The following PPP4R3A variants were observed in gnomAD, a reference collection of about 807,000 sequenced individuals.
PPP4R3A encodes the protein protein phosphatase 4 regulatory subunit 3A, also known as serine/threonine-protein phosphatase 4 regulatory subunit 3A.
PPP4R3A carries 15 observed loss-of-function variants against 91.7 expected under a neutral mutation model. The observed-to-expected ratio is 0.16, with a 90% CI of 0.11 to 0.25. The LOEUF (loss-of-function observed/expected upper bound fraction) is 0.25, where lower values mean the gene tolerates loss of function less well. Among genes scored for constraint, PPP4R3A ranks in the 10% least tolerant of loss-of-function variants. The pLI is 1.00. For missense variants in PPP4R3A, 623 were observed against 998.4 expected (o/e 0.62, Z 5.07); for synonymous variants, 377 against 348.7 (o/e 1.08, Z -0.91).
rs1460108378 is a variant in PPP4R3A at position 91,458,225 on chromosome 14, G to A, written c.*534C>T. Reference sequence around the variant, plus strand: ...TGCAGTTTGAAGGGCAAAGGGAACAGTTAAAAAAGAGGAAAACTTTATACT... The same window carrying A: ...TGCAGTTTGAAGGGCAAAGGGAACAATTAAAAAAGAGGAAAACTTTATACT... On this transcript the variant is annotated 3_prime_UTR_variant, in exon 15 of 15. Transcript: ENST00000554943. The A allele has an allele frequency of 1.3e-5, 2 of 154,164 alleles. No homozygotes were observed. The highest frequency in any genetic ancestry group is 3.8e-4 in the East Asian group (2 of 5,218). 9.5% of individuals were successfully genotyped at this position (154,164 alleles called of 1,614,324 possible).
rs1365926594 is a variant in PPP4R3A at position 91,481,843 on chromosome 14, A to G, written c.648T>C (p.Cys216=). The G allele has an allele frequency of 4.3e-6, 7 of 1,614,066 alleles. No homozygotes were observed. The Admixed American group carries it at 1.2e-4, about 27-fold the overall frequency. Residue 216 remains cysteine (C), a synonymous_variant, in exon 4 of 15, where the codon TGT becomes TGC. Coordinates refer to ENST00000554943, the MANE Select transcript of PPP4R3A (RefSeq NM_001366432.2). ...CTAAACATCCAATGACGTCCATTATACATTCTTCAGAGAACATAACTTCAA... is the reference window on the plus strand; with the variant it reads ...CTAAACATCCAATGACGTCCATTATGCATTCTTCAGAGAACATAACTTCAA... The part of the protein sequence containing the change: ...ALFEVMFSEE[C]IMDVIGCLEY...
At chr14:91,481,104 A>G (rs1889529487) in intron 4 of PPP4R3A, among the ~76,000 whole-genome samples, 1 of 151,500 alleles carries the variant, frequency 6.6e-6, no homozygotes, top group Non-Finnish European at 1.5e-5. Flanking sequence ...AGGCCAGGGC[A>G]GGCAGATTGC....
In PPP4R3A at chr14:91,495,761, T is replaced by A. The variant is rs1047831593; in HGVS notation, c.143-4959A>T. On this transcript the variant is annotated intron_variant, in intron 1 of 14. Coordinates refer to ENST00000554943, the MANE Select transcript of PPP4R3A (RefSeq NM_001366432.2). ...GTGAGACCTTGTCTCTATAAAAAAA[T>A]TTTAAAAATTAGCCAAGTGTGGCAG... Among the ~76,000 whole-genome samples the A allele has an allele frequency of 4.6e-5, 7 of 151,704 alleles. No individual in the cohort carries two copies. In the East Asian group the frequency reaches 9.7e-4, roughly 21 times the overall value.
intron 1 of PPP4R3A, among the ~76,000 whole-genome samples, chr14:91,505,443 CT>C (rs1566658539): frequency 6.8e-6 from 1 of 146,580 alleles, no homozygotes; most frequent in Non-Finnish European, 1.5e-5. Context: ...GAGATTCTGC[CT>C]AAAAAAAAAA....
chr14:91,500,269 C>T (rs1194542936), intron 1 of PPP4R3A, among the ~76,000 whole-genome samples: 1 of 152,064 alleles, frequency 6.6e-6, no homozygotes, highest in Non-Finnish European at 1.5e-5. Flanking sequence ...GGCACGATCT[C>T]GGCTCACTGC....
chr14:91,498,167 T>A (rs1194164380), intron 1 of PPP4R3A, among the ~76,000 whole-genome samples: 1 of 152,142 alleles, frequency 6.6e-6, no homozygotes, highest in East Asian at 1.9e-4. Context: ...AAACCCCGTC[T>A]CTACTAAAAA....
intron 1 of PPP4R3A, among the ~76,000 whole-genome samples, chr14:91,501,541 C>G (rs1052243735): frequency 9.2e-5 from 14 of 152,022 alleles, no homozygotes; most frequent in African/African-American, 2.9e-4. Context: ...CCTGTGGTCC[C>G]AGCTACTTGG....
chr14:91,504,891 C>G (rs1223523345), intron 1 of PPP4R3A, among the ~76,000 whole-genome samples: 1 of 152,182 alleles, frequency 6.6e-6, no homozygotes, highest in Non-Finnish European at 1.5e-5. Context: ...GCTCCCCTAA[C>G]AAGAACTGAG....
rs1889170945 is a variant in PPP4R3A at position 91,475,845 on chromosome 14, C to T, written c.1232G>A (p.Ser411Asn). The T allele has an allele frequency of 6.2e-7, 1 of 1,613,774 alleles. No individual in the cohort carries two copies. Among genetic ancestry groups the T allele is most frequent in the Non-Finnish European group, 8.5e-7 (1 of 1,179,908 alleles). Residue 411 changes from serine (S) to asparagine (N), a missense_variant, in exon 7 of 15, where the codon AGT becomes AAT. Ser to Asn is a conservative substitution (Grantham distance 46). Transcript: ENST00000554943. ...TATTTTTTGCTCTGTTAACTTCTTA[C>T]TTACATCATCATTCTGTTGTGCCTC... ...MQEAQQNDDVSKKLTEQKITS... is the reference protein window; with the variant it reads ...MQEAQQNDDVNKKLTEQKITS...
chr14:91,509,407 T>G, intron 1 of PPP4R3A, 99 bp downstream of exon 1: 1 of 1,499,294 alleles, frequency 6.7e-7, no homozygotes, highest in Non-Finnish European at 8.9e-7. Flanking sequence ...CAGCCGTCCC[T>G]CTGTTCTCGT....
chr14:91,495,614 T>A (rs747877908), intron 1 of PPP4R3A, among the ~76,000 whole-genome samples: 1 of 152,102 alleles, frequency 6.6e-6, no homozygotes, highest in Non-Finnish European at 1.5e-5. Flanking sequence ...TGGTGATGGT[T>A]GCAAACCTGT....
intron 1 of PPP4R3A, 124 bp downstream of exon 1, chr14:91,509,382 G>A: frequency 2.2e-6 from 3 of 1,390,804 alleles, no homozygotes; most frequent in South Asian, 2.6e-5. Context: ...CCTCCCCCGA[G>A]GTGGCCGCCC....
intron 1 of PPP4R3A, among the ~76,000 whole-genome samples, chr14:91,494,900 T>C (rs991319383): frequency 6.6e-6 from 1 of 152,056 alleles, no homozygotes; most frequent in Non-Finnish European, 1.5e-5. Flanking sequence ...TGAGATACCA[T>C]TTAGTACCCA....
chr14:91,468,061 C>A (rs1361470616), intron 10 of PPP4R3A, among the ~76,000 whole-genome samples: 1 of 152,120 alleles, frequency 6.6e-6, no homozygotes, highest in Non-Finnish European at 1.5e-5. Flanking sequence ...TTCCTAATGA[C>A]AGACATCTTT....
rs534349915 is a variant in PPP4R3A at position 91,480,668 on chromosome 14, C to T, written c.915+908G>A. ...GCTTTGTGCTTCACTCTTTCCTCTT[C>T]CAATCTGTTCTATTCTATGCAAAAT... On this transcript the variant is annotated intron_variant, in intron 4 of 14. Coordinates refer to ENST00000554943, the MANE Select transcript of PPP4R3A (RefSeq NM_001366432.2). 2.0e-5 allele frequency among the ~76,000 whole-genome samples: 3 copies of T among 152,298 alleles called. No individual in the cohort carries two copies. In the South Asian group the frequency reaches 6.2e-4, roughly 32 times the overall value.
rs984176288 is a variant in PPP4R3A at position 91,509,911 on chromosome 14, G to A, written c.-264C>T. The A allele has an allele frequency of 2.4e-5, 25 of 1,060,800 alleles. No individual in the cohort carries two copies. In the African/African-American group the frequency reaches 3.5e-4, roughly 15 times the overall value. The allele number at this position is 1,060,800 out of a possible 1,614,324, so 65.7% of individuals were successfully genotyped here. On this transcript the variant is annotated 5_prime_UTR_variant, in exon 1 of 15. Coordinates refer to ENST00000554943, the MANE Select transcript of PPP4R3A (RefSeq NM_001366432.2). The stretch of plus-strand genomic sequence containing the variant: ...GCCCGGCGCCCGGCAGCCCCGAGGG[G>A]GCCGCGCAGCGCTTCGTAGCCTCCC...
chr14:91,463,040 C>T (rs1398124016), intron 11 of PPP4R3A, among the ~76,000 whole-genome samples, 163 bp from the exon 12 acceptor site: 1 of 151,984 alleles, frequency 6.6e-6, no homozygotes, highest in Non-Finnish European at 1.5e-5. Flanking sequence ...CGTACACTGG[C>T]TACTATAGTA....
chr14:91,504,507 CG>C (rs1392440290), intron 1 of PPP4R3A, among the ~76,000 whole-genome samples: 1 of 151,034 alleles, frequency 6.6e-6, no homozygotes, highest in Non-Finnish European at 1.5e-5. Context: ...AAGGCTGAGG[CG>C]GGAGAATCGC....
In PPP4R3A at chr14:91,470,864, C is replaced by T. The variant is rs755909017; in HGVS notation, c.1633G>A (p.Ala545Thr). ...AATGCCAAGAAAGCATGCTTCGAGG[C>T]CATAAGAACTAGCACTCTCCGGAGG... ...DILRRVLVLM[A>T]SKHAFLALCA... Residue 545 changes from alanine (A) to threonine (T), a missense_variant, in exon 10 of 15, where the codon GCC (alanine) becomes ACC (threonine). By Grantham distance (58) the Ala-to-Thr change is moderately conservative. This residue lies in a region of PPP4R3A where 87 missense variants were observed against 233.9 expected (regional missense o/e 0.37). Coordinates refer to ENST00000554943, the MANE Select transcript of PPP4R3A (RefSeq NM_001366432.2). 1.2e-6 allele frequency: 2 copies of T among 1,610,114 alleles called. No individual in the cohort carries two copies. The highest frequency in any genetic ancestry group is 1.7e-6 in the Non-Finnish European group (2 of 1,179,206).
Sources: gnomAD v4.1 joint callset for allele counts (sites outside exome capture counted in the v4.1 genomes callset) on GRCh38, gnomAD v4.1.1 for gene constraint, gnomAD v4.1.1 regional missense constraint, MANE v1.5 for transcripts, NCBI Gene and HGNC (gene_info 2026-07-23, HGNC 2026-07-21) for gene names.